The following AURKA variants were observed in gnomAD, a reference collection of about 807,000 sequenced individuals.
The protein encoded by AURKA is aurora kinase A.
In AURKA, 12 loss-of-function variants were observed where a neutral mutation model predicts 40.9. The ratio of observed to expected loss-of-function variants is 0.29; its 90% CI spans 0.19 to 0.48. AURKA has a LOEUF of 0.48. Among genes scored for constraint, AURKA ranks in the 20% least tolerant of loss-of-function variants. The pLI is 0.99. For synonymous variants in AURKA, 170 were observed against 164.3 expected (o/e 1.03, Z -0.26); for missense variants, 322 against 462.1 (o/e 0.70, Z 2.78).
chr20:56,384,473 T>C, intron 3 of AURKA, 149 bp from the exon 4 acceptor site: 1 of 663,306 alleles, frequency 1.5e-6, no homozygotes, highest in Non-Finnish European at 2.5e-6. Context: ...AAGTTTTCCT[T>C]ATAGAAAAAA....
In AURKA at chr20:56,369,752, A is replaced by G. The variant is rs760722774; in HGVS notation, c.*406T>C. 7.6e-6 allele frequency: 3 copies of G among 394,292 alleles called. No homozygotes were observed. Among genetic ancestry groups the G allele is most frequent in the Non-Finnish European group, 1.4e-5 (3 of 211,166 alleles). The allele number at this position is 394,292 out of a possible 1,614,324, so 24.4% of individuals were successfully genotyped here. Reference sequence around the variant, plus strand: ...CCAGGCTTCGCCAACCCAATAAGTTACACACTCACTCAGGTACTAGGAAGG... The same window carrying G: ...CCAGGCTTCGCCAACCCAATAAGTTGCACACTCACTCAGGTACTAGGAAGG... On this transcript the variant is annotated 3_prime_UTR_variant, in exon 9 of 9. Coordinates refer to ENST00000395915, the MANE Select transcript of AURKA (RefSeq NM_198437.3).
chr20:56,370,905 A>G (rs1984074943), intron 7 of AURKA, among the ~76,000 whole-genome samples: 1 of 152,242 alleles, frequency 6.6e-6, no homozygotes, highest in Admixed American at 6.5e-5. Context: ...AATAATCTAG[A>G]ATGTAAGAAA....
intron 1 of AURKA, among the ~76,000 whole-genome samples, chr20:56,389,057 A>G (rs577268449): frequency 2.0e-5 from 3 of 152,298 alleles, no homozygotes; most frequent in African/African-American, 7.2e-5. Flanking sequence ...TTGCATCCTC[A>G]GCAGAATCTG....
In AURKA at chr20:56,386,306, C is replaced by T; in HGVS notation, c.270G>A (p.Arg90=). 6.2e-7 allele frequency: 1 copy of T among 1,614,210 alleles called. No homozygotes were observed. The highest frequency in any genetic ancestry group is 8.5e-7 in the Non-Finnish European group (1 of 1,180,046). Residue 90 remains arginine (R), a synonymous_variant, in exon 3 of 9, where the codon AGG becomes AGA. Transcript: ENST00000395915. ...QATSVPHPVS[R]PLNNTQKSKQ... ...TGCTCTTTTGGGTGTTATTCAGTGG[C>T]CTGGAGACAGGATGAGGTACACTGG...
In AURKA at chr20:56,386,421, T is replaced by G; in HGVS notation, c.155A>C (p.Asn52Thr). 2 of 1,614,140 alleles carry G rather than the reference T, an allele frequency of 1.2e-6. No homozygotes were observed. Among genetic ancestry groups the G allele is most frequent in the Non-Finnish European group, 1.7e-6 (2 of 1,180,034 alleles). ...TTGCAAAGGAATGCGCTGGGAAGAA[T>G]TTGAAGGACACAAGACCCGCTGAGC... ...GQAQRVLCPS[N>T]SSQRIPLQAQ... The change falls in exon 3 of 9, where the codon AAT becomes ACT. Residue 52 changes from asparagine (N) to threonine (T), a missense_variant. By Grantham distance (65) the Asn-to-Thr change is moderately conservative. Transcript: ENST00000395915.
intron 1 of AURKA, among the ~76,000 whole-genome samples, chr20:56,389,402 C>A (rs1986772954): frequency 6.6e-6 from 1 of 152,136 alleles, no homozygotes; most frequent in Non-Finnish European, 1.5e-5. Context: ...TCAATCCTAA[C>A]ATATCCAAAA....
At chr20:56,390,869 A>G (rs1463018883) in intron 1 of AURKA, among the ~76,000 whole-genome samples, 5 of 152,176 alleles carry the variant, frequency 3.3e-5, no homozygotes, top group Non-Finnish European at 5.9e-5. Flanking sequence ...TTCCCTTACA[A>G]TTCTAAGTAG....
At chr20:56,370,410 A>T in intron 8 of AURKA, 70 bp from the exon 9 acceptor site, 1 of 1,613,820 alleles carries the variant, frequency 6.2e-7, no homozygotes, top group Non-Finnish European at 8.5e-7. Flanking sequence ...AGATGTTCGG[A>T]TCTTGGCCTG....
intron 6 of AURKA, among the ~76,000 whole-genome samples, chr20:56,378,185 G>A (rs903599109): frequency 2.0e-5 from 3 of 152,012 alleles, no homozygotes; most frequent in Non-Finnish European, 4.4e-5. Context: ...CCAAAACACT[G>A]ACATCAAATG....
At chr20:56,380,311 C>T (rs1050434878) in intron 6 of AURKA, among the ~76,000 whole-genome samples, 3 of 148,024 alleles carry the variant, frequency 2.0e-5, no homozygotes, top group African/African-American at 5.0e-5. Context: ...GCCAAGATAG[C>T]GCCACTGCAC....
chr20:56,373,571 T>C lies in AURKA; in HGVS notation c.706-15A>G. On this transcript the variant is annotated splice_polypyrimidine_tract_variant and intron_variant, in intron 6 of 8. Transcript: ENST00000395915. The surrounding 1 kb of genome is among the most constrained non-coding windows in gnomAD (Gnocchi z 5.0). Reference sequence around the variant, plus strand: ...TCTGTTATATACTGTTAAAACAATATTGAAAGCCTATGTTTTAGATTTTAT... The same window carrying C: ...TCTGTTATATACTGTTAAAACAATACTGAAAGCCTATGTTTTAGATTTTAT... 1 of 1,613,000 alleles carries C rather than the reference T, an allele frequency of 6.2e-7. No homozygotes were observed. The highest frequency in any genetic ancestry group is 8.5e-7 in the Non-Finnish European group (1 of 1,178,942).
In AURKA at chr20:56,369,678, C is replaced by G; in HGVS notation, c.*480G>C. 1 of 337,294 alleles carries G rather than the reference C, an allele frequency of 3.0e-6. No individual in the cohort carries two copies. 20.9% of individuals were successfully genotyped at this position (337,294 alleles called of 1,614,324 possible). A position where few individuals can be genotyped will look rare whatever the true frequency, so the allele number is the denominator to read the frequency against. ...AAAAAATACAAGTCTGTACATATAT[C>G]TTTATTTTCATACTTAAAAAGAATC... On this transcript the variant is annotated 3_prime_UTR_variant, in exon 9 of 9. Coordinates refer to ENST00000395915, the MANE Select transcript of AURKA (RefSeq NM_198437.3).
At chr20:56,377,116 C>T (rs1056782626) in intron 6 of AURKA, among the ~76,000 whole-genome samples, 1 of 151,930 alleles carries the variant, frequency 6.6e-6, no homozygotes. Context: ...ATGATGAGAC[C>T]GTGTCTATAC....
chr20:56,384,452 T>G (rs1986112698), intron 3 of AURKA, 128 bp from the exon 4 acceptor site: 2 of 731,084 alleles, frequency 2.7e-6, no homozygotes, highest in South Asian at 3.4e-5. Flanking sequence ...TAAATCTGTT[T>G]TTTTTTTTTA....
chr20:56,384,121 T>A, intron 4 of AURKA, 149 bp downstream of exon 4: 2 of 608,080 alleles, frequency 3.3e-6, no homozygotes, highest in Non-Finnish European at 5.6e-6. Flanking sequence ...AATTCCATTT[T>A]TTTTAAGATT....
intron 1 of AURKA, 21 bp from the exon 2 acceptor site, chr20:56,388,223 C>A (rs6069718): frequency 9.5e-7 from 1 of 1,051,796 alleles, no homozygotes; most frequent in South Asian, 2.3e-5. Flanking sequence ...AAAGAAGAAC[C>A]TTTAATTTGA....
At chr20:56,389,659 T>G (rs1174273678) in intron 1 of AURKA, among the ~76,000 whole-genome samples, 1 of 152,114 alleles carries the variant, frequency 6.6e-6, no homozygotes, top group African/African-American at 2.4e-5. Context: ...CTGAGCGGCA[T>G]CTCCATTCTA....
At chr20:56,371,651 A>G (rs1207555372) in intron 7 of AURKA, among the ~76,000 whole-genome samples, 3 of 151,984 alleles carry the variant, frequency 2.0e-5, no homozygotes, top group African/African-American at 7.3e-5. Context: ...GTCCAACCAC[A>G]GAGACAGTCC....
rs1985918011 is a variant in AURKA, at chr20:56,383,006, A to G, written c.545T>C (p.Val182Ala). 6.2e-7 allele frequency: 1 copy of G among 1,614,104 alleles called. No homozygotes were observed. Among genetic ancestry groups the G allele is most frequent in the Non-Finnish European group, 8.5e-7 (1 of 1,180,030 alleles). Residue 182 changes from valine to alanine, a missense_variant, in exon 5 of 9, where the codon GTA becomes GCA. Val to Ala is a moderately conservative substitution (Grantham distance 64, BLOSUM62 0). Coordinates refer to ENST00000395915, the MANE Select transcript of AURKA (RefSeq NM_198437.3). ...TCACCGAAGGTGGGACTGTATTTCT[A>G]CTTCTCTTCTGAGCTGATGCTCCAC... ...AGVEHQLRRE[V>A]EIQSHLRHPN...
Sources: gnomAD v4.1 joint callset for allele counts (sites outside exome capture counted in the v4.1 genomes callset) on GRCh38, gnomAD v4.1.1 for gene constraint, Gnocchi (gnomAD v3.1) non-coding constraint, MANE v1.5 for transcripts, NCBI Gene and HGNC (gene_info 2026-07-23, HGNC 2026-07-21) for gene names.